Variants in USP50 observed in about 807,000 individuals in gnomAD.
USP50 encodes the protein ubiquitin carboxyl-terminal hydrolase 50.
Under a neutral mutation model 39.2 loss-of-function variants are expected in USP50, and 37 were observed. The observed-to-expected ratio is 0.94, with a 90% CI of 0.73 to 1.24. The LOEUF (loss-of-function observed/expected upper bound fraction) is 1.24, where lower values mean the gene tolerates loss of function less well. Ranked by LOEUF, USP50 falls within the 50% of genes most tolerant of loss-of-function variation. The probability of loss-of-function intolerance (pLI) is 0.00; values close to 1 mark genes in which losing one functional copy is unlikely to be tolerated. For synonymous variants in USP50, 139 were observed against 144.5 expected (o/e 0.96, Z 0.27); for missense variants, 374 against 398.2 (o/e 0.94, Z 0.52).
At chr15:50,521,447 AAAG>A (rs1251409680) in intron 6 of USP50, among the ~76,000 whole-genome samples, 4 of 152,234 alleles carry the variant, frequency 2.6e-5, no homozygotes, top group South Asian at 2.1e-4. Context: ...AATTTCAGAA[AAAG>A]AAGATCTCAA....
intron 3 of USP50, among the ~76,000 whole-genome samples, chr15:50,542,575 G>A (rs376669243): frequency 3.0e-5 from 4 of 133,890 alleles, no homozygotes; most frequent in Non-Finnish European, 4.6e-5. Context: ...TGCAACCTCC[G>A]CCTCCTGAGT....
chr15:50,514,426 A>C (rs1322209126), intron 6 of USP50: 1 of 152,244 alleles, frequency 6.6e-6, no homozygotes, highest in Non-Finnish European at 1.5e-5. Context: ...GGTCAAGGGC[A>C]GTGTCTCATA....
At chr15:50,521,205 C>A (rs1031934763) in intron 6 of USP50, among the ~76,000 whole-genome samples, 22 of 152,042 alleles carry the variant, frequency 1.4e-4, no homozygotes, top group African/African-American at 5.1e-4. Flanking sequence ...CCAAGCTTGG[C>A]AAATTTTTGT....
intron 6 of USP50, chr15:50,501,132 C>T (rs2141337181): frequency 3.3e-6 from 1 of 300,192 alleles, no homozygotes; most frequent in African/African-American, 2.1e-5. Flanking sequence ...TAATATACAT[C>T]AACTATTAAG....
intron 6 of USP50, chr15:50,506,480 C>T (rs1046709878): frequency 6.6e-6 from 1 of 152,136 alleles, no homozygotes; most frequent in East Asian, 1.9e-4. Context: ...GGAAAAAAAC[C>T]GCATCAGTGG....
rs111867788 is a variant in USP50 at position 50,519,709 on chromosome 15, C to T, written c.936+10088G>A. Reference sequence around the variant, plus strand: ...CAGCCTGGGCAAAAGAGCGAGACTCCGTCTCTTAAAAAAAAAAAGCCACCC... The same window carrying T: ...CAGCCTGGGCAAAAGAGCGAGACTCTGTCTCTTAAAAAAAAAAAGCCACCC... On this transcript the variant is annotated intron_variant, in intron 6 of 6. Transcript: ENST00000532404. Among the ~76,000 whole-genome samples the T allele has an allele frequency of 2.3e-4, 34 of 150,712 alleles. No individual in the cohort carries two copies. The South Asian group carries it at 5.3e-3, about 24-fold the overall frequency.
intron 5 of USP50, among the ~76,000 whole-genome samples, chr15:50,537,800 C>T (rs2052991059): frequency 7.0e-6 from 1 of 142,876 alleles, no homozygotes. Context: ...GTGGAGGCTG[C>T]AAGAACCAAG....
chr15:50,502,364 C>G (rs2052603074), intron 6 of USP50: 2 of 148,126 alleles, frequency 1.4e-5, no homozygotes. Context: ...ACTTCGGCCT[C>G]CCAAAGTTAT....
At position 50,521,795 on chromosome 15, in the gene USP50, C is replaced by A. The variant is rs896734345; in HGVS notation, c.936+8002G>T. The stretch of plus-strand genomic sequence containing the variant: ...CTGGCCAACACAGTGAAACCCCCAT[C>A]TCTACTAAAAATAAAAACACTAGCT... On this transcript the variant is annotated intron_variant, in intron 6 of 6. Coordinates refer to ENST00000532404, the MANE Select transcript of USP50 (RefSeq NM_203494.5). Among the ~76,000 whole-genome samples, 115 of 151,988 alleles carry A rather than the reference C, an allele frequency of 7.6e-4. 1 individual carries two copies. Among genetic ancestry groups the A allele is most frequent in the African/African-American group, 2.8e-3 (114 of 41,372 alleles).
chr15:50,500,230 CTAAATTATTATATCAAAT>C (rs2052558243), downstream of USP50: 1 of 152,180 alleles, frequency 6.6e-6, no homozygotes, highest in Non-Finnish European at 1.5e-5. Context: ...CACTTCTTGG[CTAAATTATTATATCAAAT>C]ATATTCAAAT....
intron 5 of USP50, among the ~76,000 whole-genome samples, chr15:50,534,619 CA>C (rs2141374311): frequency 6.6e-6 from 1 of 152,196 alleles, no homozygotes; most frequent in East Asian, 1.9e-4. Flanking sequence ...GTACAAGAAA[CA>C]TACTTGAAAT....
At chr15:50,530,917 C>A (rs1447030034) in intron 5 of USP50, among the ~76,000 whole-genome samples, 1 of 151,968 alleles carries the variant, frequency 6.6e-6, no homozygotes, top group African/African-American at 2.4e-5. Flanking sequence ...TTGGCAATGT[C>A]CTGTTTTCAA....
intron 1 of USP50, among the ~76,000 whole-genome samples, chr15:50,495,482 T>TGGGG (rs1555392675): frequency 1.5e-4 from 16 of 104,826 alleles, no homozygotes; most frequent in African/African-American, 5.1e-4. Context: ...TTAGTAGAGA[T>TGGGG]TGGAGGGGGG....
At chr15:50,498,006 A>C (rs2052481959), downstream of USP50, among the ~76,000 whole-genome samples, 1 of 152,112 alleles carries the variant, frequency 6.6e-6, no homozygotes. Flanking sequence ...CCATTGTCCT[A>C]GTTGAGGATT....
intron 6 of USP50, chr15:50,506,729 G>C (rs1418786139): frequency 1.3e-5 from 2 of 152,012 alleles, no homozygotes; most frequent in African/African-American, 4.8e-5. Context: ...GGAGGCCGAG[G>C]GGGGCGGATC....
downstream of USP50, chr15:50,498,181 TAGTC>T (rs1405249664): frequency 6.4e-6 from 1 of 156,668 alleles, no homozygotes; most frequent in Non-Finnish European, 1.4e-5. Context: ...GACATTATTT[TAGTC>T]AGTAGTCTCC....
intron 6 of USP50, among the ~76,000 whole-genome samples, chr15:50,518,443 C>T (rs1173003781): frequency 6.6e-6 from 1 of 151,670 alleles, no homozygotes; most frequent in Non-Finnish European, 1.5e-5. Context: ...GATCTCCTGA[C>T]CTCGTGATCC....
intron 1 of USP50, among the ~76,000 whole-genome samples, chr15:50,495,487 G>GGA (rs1006435631): frequency 8.1e-6 from 1 of 123,696 alleles, no homozygotes; most frequent in Non-Finnish European, 1.7e-5. Context: ...AGAGATTGGA[G>GGA]GGGGGGGTCT....
chr15:50,499,752 A>G (rs983832077), downstream of USP50: 6 of 152,178 alleles, frequency 3.9e-5, no homozygotes, highest in African/African-American at 9.6e-5. Flanking sequence ...TTACAGCTAC[A>G]TTAAAATCTT....
Sources: allele counts gnomAD v4.1 joint callset (sites outside exome capture counted in the v4.1 genomes callset), GRCh38; gene constraint gnomAD v4.1.1; transcripts MANE v1.5; gene names NCBI Gene and HGNC (gene_info 2026-07-23, HGNC 2026-07-21).